GNG7: variants seen among roughly 807,000 people sequenced by gnomAD.
GNG7 encodes G protein subunit gamma 7.
In GNG7, 1 loss-of-function variant was observed where a neutral mutation model predicts 4.0. That is an observed-to-expected ratio of 0.25 (90% CI 0.09 to 1.18). The LOEUF (loss-of-function observed/expected upper bound fraction) is 1.18. Ranked by LOEUF, GNG7 falls within the 50% of genes most tolerant of loss-of-function variation. GNG7 has a pLI of 0.50. For missense variants in GNG7, 86 were observed against 91.9 expected (o/e 0.94, Z 0.26); for synonymous variants, 34 against 36.9 (o/e 0.92, Z 0.29).
At chr19:2,521,329 G>A (rs903576152) in intron 3 of GNG7, among the ~76,000 whole-genome samples, 1 of 152,158 alleles carries the variant, frequency 6.6e-6, no homozygotes, top group Non-Finnish European at 1.5e-5. Flanking sequence ...CTCTGGAGAA[G>A]GGAGGACCCA....
chr19:2,513,598 C>T lies in GNG7; in HGVS notation c.*1424G>A, dbSNP rs1972686005. On this transcript the variant is annotated 3_prime_UTR_variant, in exon 5 of 5. Transcript: ENST00000382159. ...CTGCGTCTAAGGCATCTCCCGGCCT[C>T]AGACAGCCGTCCTGGGTTGCACGGG... 2.2e-5 allele frequency: 22 copies of T among 985,388 alleles called. No homozygotes were observed. Among genetic ancestry groups the T allele is most frequent in the Non-Finnish European group, 2.5e-5 (21 of 829,868 alleles). 61.0% of individuals were successfully genotyped at this position (985,388 alleles called of 1,614,324 possible).
chr19:2,512,297 C>G lies in GNG7; in HGVS notation c.*2725G>C, dbSNP rs964482071. 1.0e-5 allele frequency: 10 copies of G among 985,488 alleles called. No individual in the cohort carries two copies. The highest frequency in any genetic ancestry group is 3.5e-5 in the African/African-American group (2 of 57,146). 61.0% of individuals were successfully genotyped at this position (985,488 alleles called of 1,614,324 possible). A position where few individuals can be genotyped will look rare whatever the true frequency, so the allele number is the denominator to read the frequency against. On this transcript the variant is annotated 3_prime_UTR_variant, in exon 5 of 5. Coordinates refer to ENST00000382159, the MANE Select transcript of GNG7 (RefSeq NM_052847.3). This position sits in a 1 kb window ranked among gnomAD's most constrained non-coding sequence, Gnocchi z 4.7. ...ACATGTGGCGGTCGGTGTGTGCACT[C>G]GGGTGCCACGTCTGCAAAGGTATTT...
rs1982581324 is a variant in GNG7, at chr19:2,643,646, A to G, written c.-78+2578T>C. On this transcript the variant is annotated intron_variant, in intron 2 of 4. Coordinates refer to ENST00000382159, the MANE Select transcript of GNG7 (RefSeq NM_052847.3). ...TCCGAGACCTCTCCGGGCTCTGCAC[A>G]CCTTCCAGCCCTGCGCCTCCTTTTT... 5.7e-5 allele frequency: 26 copies of G among 455,490 alleles called. 1 individual carries two copies. The highest frequency in any genetic ancestry group is 4.0e-4 in the South Asian group (26 of 64,454). The allele number at this position is 455,490 out of a possible 1,614,324, so 28.2% of individuals were successfully genotyped here. A position where few individuals can be genotyped will look rare whatever the true frequency, so the allele number is the denominator to read the frequency against.
chr19:2,580,119 TG>T (rs1157557718), intron 2 of GNG7, among the ~76,000 whole-genome samples: 1 of 152,054 alleles, frequency 6.6e-6, no homozygotes, highest in Non-Finnish European at 1.5e-5. Context: ...AATGCAGGTG[TG>T]CCCAGGGGTC....
At chr19:2,612,854 G>A (rs920630809) in intron 2 of GNG7, among the ~76,000 whole-genome samples, 6 of 151,572 alleles carry the variant, frequency 4.0e-5, no homozygotes, top group South Asian at 2.1e-4. Context: ...CACCACACCC[G>A]GCTAATTTTG....
chr19:2,656,609 A>C (rs941519447), intron 1 of GNG7, among the ~76,000 whole-genome samples: 1 of 152,274 alleles, frequency 6.6e-6, no homozygotes, highest in East Asian at 1.9e-4. Flanking sequence ...AAAAAAGAGA[A>C]AGAAAGATGA....
At chr19:2,663,147 G>A (rs1316144066) in intron 1 of GNG7, among the ~76,000 whole-genome samples, 6 of 152,286 alleles carry the variant, frequency 3.9e-5, no homozygotes, top group Non-Finnish European at 5.9e-5. Flanking sequence ...AGGGAAGGAA[G>A]GGCTGATCCA....
chr19:2,525,971 A>ATTTTTTTT (rs35639922), intron 3 of GNG7, among the ~76,000 whole-genome samples: 2,746 of 75,586 alleles, frequency 0.036, 450 homozygotes, highest in African/African-American at 0.077. Flanking sequence ...CTCCACGCCA[A>ATTTTTTTT]TTTTTTTTTT....
intron 1 of GNG7, among the ~76,000 whole-genome samples, chr19:2,698,282 G>T (rs1277062387): frequency 6.7e-6 from 1 of 150,138 alleles, no homozygotes; most frequent in African/African-American, 2.5e-5. Flanking sequence ...AAAAAGGACA[G>T]GCCGGGCGCG....
chr19:2,604,702 G>A (rs1981326542), intron 2 of GNG7, among the ~76,000 whole-genome samples: 1 of 145,472 alleles, frequency 6.9e-6, no homozygotes, highest in Non-Finnish European at 1.5e-5. Context: ...GGGAGGGAGG[G>A]AGGGAAAAGA....
chr19:2,589,371 CTTT>C lies in GNG7; in HGVS notation c.-77-34186_-77-34184del, dbSNP rs33940288. ...CCAGGTAGCTGGGACTACAGGTGCA[CTTT>C]TTTTTTTTTTTTTTTTTTTTTAAAT... On this transcript the variant is annotated intron_variant, in intron 2 of 4. Coordinates refer to ENST00000382159, the MANE Select transcript of GNG7 (RefSeq NM_052847.3). Among the ~76,000 whole-genome samples the C allele has an allele frequency of 5.7e-3, 578 of 100,558 alleles. 8 individuals are homozygous for C. Among genetic ancestry groups the C allele is most frequent in the African/African-American group, 0.02 (545 of 26,776 alleles). 66.0% of individuals were successfully genotyped at this position (100,558 alleles called of 152,430 possible).
chr19:2,568,785 CACACAT>C (rs779588127), intron 2 of GNG7, among the ~76,000 whole-genome samples: 1 of 142,322 alleles, frequency 7.0e-6, no homozygotes, highest in Non-Finnish European at 1.5e-5. Flanking sequence ...AATACACATA[CACACAT>C]ATACACGCAC....
At chr19:2,669,496 A>G (rs558977946) in intron 1 of GNG7, among the ~76,000 whole-genome samples, 1 of 152,204 alleles carries the variant, frequency 6.6e-6, no homozygotes, top group African/African-American at 2.4e-5. Flanking sequence ...TCTCAAAACA[A>G]ACAAACAAAA....
chr19:2,593,305 TA>T (rs562060101), intron 2 of GNG7, among the ~76,000 whole-genome samples: 4 of 150,672 alleles, frequency 2.7e-5, no homozygotes, highest in South Asian at 2.1e-4. Flanking sequence ...ATTCCTTTTT[TA>T]AAAAAAAAAC....
Position 2,557,056 on chromosome 19 carries a change from T to A in GNG7, c.-77-1868A>T, listed in dbSNP as rs1480091905. 7.0e-6 allele frequency among the ~76,000 whole-genome samples: 1 copy of A among 142,350 alleles called. No homozygotes were observed. The highest frequency in any genetic ancestry group is 1.6e-5 in the Non-Finnish European group (1 of 64,110). 93.4% of individuals were successfully genotyped at this position (142,350 alleles called of 152,430 possible). Reference sequence around the variant, plus strand: ...ACAGACACACGCACACTCACACACATATGCACGCACACAGACACACGCACA... The same window carrying A: ...ACAGACACACGCACACTCACACACAAATGCACGCACACAGACACACGCACA... On this transcript the variant is annotated intron_variant, in intron 2 of 4. Coordinates refer to ENST00000382159, the MANE Select transcript of GNG7 (RefSeq NM_052847.3). This position sits in a 1 kb window ranked among gnomAD's most constrained non-coding sequence, Gnocchi z 5.1.
rs2144825919 is a variant in GNG7 at position 2,614,357 on chromosome 19, A to G, written c.-78+31867T>C. On this transcript the variant is annotated intron_variant, in intron 2 of 4. Transcript: ENST00000382159. The surrounding 1 kb of genome is among the most constrained non-coding windows in gnomAD (Gnocchi z 6.0). Reference sequence around the variant, plus strand: ...AAAAAAGCTCCCTTTCCAGACATCCAGTGGCATTCGTGCAGCCATCATCTC... The same window carrying G: ...AAAAAAGCTCCCTTTCCAGACATCCGGTGGCATTCGTGCAGCCATCATCTC... Among the ~76,000 whole-genome samples the G allele has an allele frequency of 6.6e-6, 1 of 152,302 alleles. No individual in the cohort carries two copies. Among genetic ancestry groups the G allele is most frequent in the Admixed American group, 6.5e-5 (1 of 15,298 alleles).
At chr19:2,613,440 T>C (rs1451058225) in intron 2 of GNG7, among the ~76,000 whole-genome samples, 1 of 152,138 alleles carries the variant, frequency 6.6e-6, no homozygotes, top group African/African-American at 2.4e-5. Flanking sequence ...CTGCTCACAG[T>C]AGATACAAGA....
chr19:2,543,752 C>G (rs1208120579), intron 3 of GNG7, among the ~76,000 whole-genome samples: 3 of 152,192 alleles, frequency 2.0e-5, no homozygotes, highest in Admixed American at 6.5e-5. Flanking sequence ...CACAATGAGG[C>G]GGCTGCGCTT....
chr19:2,669,864 G>A (rs952597103), intron 1 of GNG7, among the ~76,000 whole-genome samples: 2 of 152,000 alleles, frequency 1.3e-5, no homozygotes, highest in African/African-American at 4.8e-5. Flanking sequence ...ACAAAAATTA[G>A]CCAGGCGTGG....
Sources: allele counts gnomAD v4.1 joint callset (sites outside exome capture counted in the v4.1 genomes callset), GRCh38; gene constraint gnomAD v4.1.1; non-coding constraint Gnocchi (gnomAD v3.1); transcripts MANE v1.5; gene names NCBI Gene and HGNC (gene_info 2026-07-23, HGNC 2026-07-21).